FAF1: variants seen among roughly 807,000 people sequenced by gnomAD.
FAF1 encodes FAS-associated factor 1.
A neutral mutation model predicts 92.5 loss-of-function variants in FAF1; 25 were observed. The observed-to-expected ratio is 0.27, with a 90% CI of 0.20 to 0.38. The LOEUF (loss-of-function observed/expected upper bound fraction) is 0.38, where lower values mean the gene tolerates loss of function less well. Ranked by LOEUF, FAF1 falls within the 10% of genes least tolerant of loss-of-function variation. The probability of loss-of-function intolerance (pLI) is 1.00; values close to 1 mark genes in which losing one functional copy is unlikely to be tolerated. For missense variants in FAF1, 636 were observed against 793.3 expected (o/e 0.80, Z 2.38); for synonymous variants, 234 against 273.2 (o/e 0.86, Z 1.42).
rs1204832155 is a variant in FAF1, at chr1:50,440,357, C to T, written c.*1083G>A. On this transcript the variant is annotated 3_prime_UTR_variant, in exon 19 of 19. Transcript: ENST00000396153. ...CAACACATGTCTTCTGAGTTGAGTC[C>T]CCAAGTTTGCTCTCTTCAACATATG... 1 of 152,116 alleles carries T rather than the reference C, an allele frequency of 6.6e-6. No homozygotes were observed. The highest frequency in any genetic ancestry group is 1.9e-4 in the East Asian group (1 of 5,196). The allele number at this position is 152,116 out of a possible 1,614,324, so 9.4% of individuals were successfully genotyped here.
chr1:50,704,285 T>C (rs922340352), intron 7 of FAF1, among the ~76,000 whole-genome samples: 3 of 151,796 alleles, frequency 2.0e-5, no homozygotes, highest in South Asian at 2.1e-4. Context: ...GGGGTGGGGG[T>C]TGAGAGGGTG....
At chr1:50,741,170 C>T (rs780628074) in intron 5 of FAF1, among the ~76,000 whole-genome samples, 5 of 152,160 alleles carry the variant, frequency 3.3e-5, no homozygotes, top group Non-Finnish European at 7.3e-5. Flanking sequence ...AAATTAGATA[C>T]AGAAGCCTGT....
intron 6 of FAF1, among the ~76,000 whole-genome samples, chr1:50,708,274 T>C (rs774733863): frequency 3.9e-5 from 6 of 152,084 alleles, no homozygotes; most frequent in African/African-American, 7.2e-5. Context: ...ACTAAGGTGG[T>C]AGAGGCACAG....
At chr1:50,637,465 CA>C (rs551259355) in intron 8 of FAF1, among the ~76,000 whole-genome samples, 49 of 137,218 alleles carry the variant, frequency 3.6e-4, no homozygotes, top group East Asian at 1.5e-3. Context: ...AAAAAGAAAA[CA>C]AAAAAAAAAA....
intron 7 of FAF1, among the ~76,000 whole-genome samples, chr1:50,669,498 G>A (rs1279394565): frequency 6.6e-6 from 1 of 152,068 alleles, no homozygotes; most frequent in East Asian, 1.9e-4. Flanking sequence ...AAAATTGTCA[G>A]ATGTTGACTA....
chr1:50,612,622 C>T, intron 8 of FAF1: 1 of 315,190 alleles, frequency 3.2e-6, no homozygotes, highest in Non-Finnish European at 4.6e-6. Flanking sequence ...TTTCCAGCAG[C>T]ATCTAATTCC....
intron 1 of FAF1, among the ~76,000 whole-genome samples, chr1:50,886,485 C>T (rs758673187): frequency 2.6e-5 from 4 of 152,018 alleles, no homozygotes; most frequent in African/African-American, 7.3e-5. Context: ...CCCACTAACT[C>T]GTCATTTACA....
intron 18 of FAF1, chr1:50,451,675 G>T: frequency 5.4e-6 from 1 of 184,326 alleles, no homozygotes; most frequent in Non-Finnish European, 1.0e-5. Context: ...AGGCATTTGG[G>T]TGAAATTTAG....
chr1:50,629,267 T>A (rs1402733125), intron 8 of FAF1, among the ~76,000 whole-genome samples: 1 of 151,852 alleles, frequency 6.6e-6, no homozygotes, highest in African/African-American at 2.4e-5. Context: ...CCTCCCGCGT[T>A]CAAGTGATTA....
At chr1:50,614,587 C>T (rs1652822225) in intron 8 of FAF1, among the ~76,000 whole-genome samples, 5 of 152,040 alleles carry the variant, frequency 3.3e-5, no homozygotes, top group Non-Finnish European at 7.4e-5. Flanking sequence ...CACCTGTAAT[C>T]CCAGCACTTT....
At chr1:50,473,609 A>C (rs1304683099) in intron 18 of FAF1, among the ~76,000 whole-genome samples, 1 of 152,192 alleles carries the variant, frequency 6.6e-6, no homozygotes, top group African/African-American at 2.4e-5. Context: ...GGTAGTTTTC[A>C]TACTTGGCTG....
intron 7 of FAF1, among the ~76,000 whole-genome samples, chr1:50,680,674 C>G (rs1169212473): frequency 2.6e-5 from 4 of 151,482 alleles, no homozygotes; most frequent in Non-Finnish European, 5.9e-5. Flanking sequence ...TGAGTGAAAA[C>G]TCTGTCTCCA....
At chr1:50,959,075 A>T (rs1557604962) in intron 1 of FAF1, among the ~76,000 whole-genome samples, 1 of 152,246 alleles carries the variant, frequency 6.6e-6, no homozygotes, top group Non-Finnish European at 1.5e-5. Context: ...CCTTTAAAGT[A>T]TTCCTGGAGA....
intron 7 of FAF1, among the ~76,000 whole-genome samples, chr1:50,673,577 A>G (rs1162891350): frequency 1.3e-5 from 2 of 152,226 alleles, no homozygotes; most frequent in Non-Finnish European, 2.9e-5. Flanking sequence ...AACTAAGTGA[A>G]TATATAAATT....
chr1:50,568,325 T>C (rs1650264224), intron 12 of FAF1, among the ~76,000 whole-genome samples: 1 of 152,028 alleles, frequency 6.6e-6, no homozygotes, highest in Non-Finnish European at 1.5e-5. Flanking sequence ...TGACAGCAAA[T>C]GAAAATTTGC....
chr1:50,776,593 C>G (rs1008341037), intron 4 of FAF1, among the ~76,000 whole-genome samples: 36 of 151,892 alleles, frequency 2.4e-4, no homozygotes, highest in African/African-American at 8.5e-4. Context: ...AAGTGATACA[C>G]TATTCACTCA....
intron 4 of FAF1, among the ~76,000 whole-genome samples, chr1:50,750,008 G>A (rs1212323536): frequency 1.3e-5 from 2 of 152,106 alleles, no homozygotes; most frequent in South Asian, 2.1e-4. Flanking sequence ...ACACATAAGT[G>A]CCTAGCATAG....
At chr1:50,874,758 CTTTTTTTT>C (rs755424291) in intron 1 of FAF1, among the ~76,000 whole-genome samples, 16 of 67,254 alleles carry the variant, frequency 2.4e-4, no homozygotes, top group Middle Eastern at 0.014. Context: ...TCTTTTCTTT[CTTTTTTTT>C]TTTTTTTTTT....
At chr1:50,486,127 C>T (rs1443687753) in intron 17 of FAF1, among the ~76,000 whole-genome samples, 1 of 152,124 alleles carries the variant, frequency 6.6e-6, no homozygotes, top group Non-Finnish European at 1.5e-5. Flanking sequence ...ATTCCATGTT[C>T]TTCTGTTTTC....
Sources: allele counts gnomAD v4.1 joint callset (sites outside exome capture counted in the v4.1 genomes callset), GRCh38; gene constraint gnomAD v4.1.1; transcripts MANE v1.5; gene names NCBI Gene and HGNC (gene_info 2026-07-23, HGNC 2026-07-21).